Variants in ATF7IP2 observed in about 807,000 individuals in gnomAD.
ATF7IP2 encodes activating transcription factor 7 interacting protein 2, also known as activating transcription factor 7-interacting protein 2.
ATF7IP2 carries 42 observed loss-of-function variants against 64.2 expected under a neutral mutation model. The ratio of observed to expected loss-of-function variants is 0.65; its 90% CI spans 0.51 to 0.85. The LOEUF is 0.85. ATF7IP2 is among the 40% of genes least tolerant of loss of function. The pLI is 0.00. For synonymous variants in ATF7IP2, 308 were observed against 272.8 expected, an observed-to-expected ratio of 1.13 and a Z score of -1.27; for missense variants, 933 against 784.2, an observed-to-expected ratio of 1.19 and a Z score of -2.27.
At chr16:10,422,171 C>G (rs146510035) in intron 3 of ATF7IP2, among the ~76,000 whole-genome samples, 352 of 152,296 alleles carry the variant, frequency 2.3e-3, no homozygotes, top group Non-Finnish European at 3.9e-3. Flanking sequence ...TCTAAAGCCT[C>G]CAGTTTCTCT....
chr16:10,473,894 C>CTTTT lies in ATF7IP2; in HGVS notation c.1483-17_1483-14dup, dbSNP rs56766112. On this transcript the variant is annotated intron_variant, in intron 11 of 13. Transcript: ENST00000562102. ...AACATTTTCAGCTATTGAGGCAAAGCTTTTTTTTTTTTTTTACAATTTTTT... is the reference window on the plus strand; with the variant it reads ...AACATTTTCAGCTATTGAGGCAAAGCTTTTTTTTTTTTTTTTTTTACAATTTTTT... 2.3e-3 allele frequency: 2,409 copies of CTTTT among 1,042,650 alleles called. 75 individuals are homozygous for CTTTT. Among genetic ancestry groups the CTTTT allele is most frequent in the South Asian group, 7.9e-3 (392 of 49,514 alleles). The allele number at this position is 1,042,650 out of a possible 1,614,324, so 64.6% of individuals were successfully genotyped here.
At chr16:10,421,958 A>G (rs1264184418) in intron 3 of ATF7IP2, among the ~76,000 whole-genome samples, 2 of 152,204 alleles carry the variant, frequency 1.3e-5, no homozygotes, top group African/African-American at 2.4e-5. Flanking sequence ...ATGACTATTA[A>G]AGGCCAATTT....
At chr16:10,397,622 A>G (rs914451122) in intron 1 of ATF7IP2, among the ~76,000 whole-genome samples, 2 of 152,160 alleles carry the variant, frequency 1.3e-5, no homozygotes, top group Non-Finnish European at 2.9e-5. Context: ...CATGCCTACA[A>G]TCCCAGGACT....
At position 10,482,210 on chromosome 16, in the gene ATF7IP2, T is replaced by C. The variant is rs749651109; in HGVS notation, c.2010T>C (p.Asp670=). ...TTGGACGATATGGACCATTCTGTGATATAAAATCTATCCCTGGGTTTTCTG... is the reference window on the plus strand; with the variant it reads ...TTGGACGATATGGACCATTCTGTGACATAAAATCTATCCCTGGGTTTTCTG... ...DIFGRYGPFC[D]IKSIPGFSEN... Residue 670 remains aspartate, a synonymous_variant, in exon 14 of 14, where the codon GAT becomes GAC. Transcript: ENST00000562102. 6.2e-7 allele frequency: 1 copy of C among 1,604,444 alleles called. No homozygotes were observed. The highest frequency in any genetic ancestry group is 1.1e-5 in the South Asian group (1 of 88,728).
At chr16:10,417,760 TC>T (rs2047908355) in intron 2 of ATF7IP2, among the ~76,000 whole-genome samples, 1 of 152,114 alleles carries the variant, frequency 6.6e-6, no homozygotes, top group Admixed American at 6.5e-5. Context: ...ACTTAACACA[TC>T]CTGAATTCCA....
chr16:10,482,257 TTAATAATGA>T lies in ATF7IP2; in HGVS notation c.*11_*19del. 1 of 1,539,126 alleles carries T rather than the reference TTAATAATGA, an allele frequency of 6.5e-7. No individual in the cohort carries two copies. Among genetic ancestry groups the T allele is most frequent in the African/African-American group, 1.4e-5 (1 of 72,050 alleles). On this transcript the variant is annotated 3_prime_UTR_variant, in exon 14 of 14. Coordinates refer to ENST00000562102, the MANE Select transcript of ATF7IP2 (RefSeq NM_001393719.1). ...TCTGAAAATCTTACGTAAAAGGTGT[TTAATAATGA>T]TATACTACTTTTTTTTTCATATTTG...
At chr16:10,400,263 A>T (rs2047501547) in intron 1 of ATF7IP2, among the ~76,000 whole-genome samples, 1 of 151,606 alleles carries the variant, frequency 6.6e-6, no homozygotes, top group Non-Finnish European at 1.5e-5. Context: ...CTGGTCTTGA[A>T]CTCCTGACCT....
intron 12 of ATF7IP2, among the ~76,000 whole-genome samples, chr16:10,474,752 A>T (rs1205505713): frequency 6.6e-6 from 1 of 152,266 alleles, no homozygotes; most frequent in African/African-American, 2.4e-5. Flanking sequence ...AGTTCCTGAA[A>T]TCCAGTGATA....
chr16:10,464,782 C>T (rs959369214), intron 9 of ATF7IP2, among the ~76,000 whole-genome samples: 1 of 152,184 alleles, frequency 6.6e-6, no homozygotes, highest in Non-Finnish European at 1.5e-5. Context: ...AAAGTTACTA[C>T]TATTTTGCAT....
At chr16:10,403,561 G>A (rs1053406350) in intron 1 of ATF7IP2, among the ~76,000 whole-genome samples, 2 of 152,070 alleles carry the variant, frequency 1.3e-5, no homozygotes, top group African/African-American at 4.8e-5. Context: ...AAAAAGTAAG[G>A]TATTATAACA....
At chr16:10,441,569 C>G (rs904382824) in intron 8 of ATF7IP2, among the ~76,000 whole-genome samples, 2 of 152,150 alleles carry the variant, frequency 1.3e-5, no homozygotes, top group African/African-American at 4.8e-5. Flanking sequence ...AGTGTCTGTT[C>G]ATATCCTTCG....
intron 9 of ATF7IP2, among the ~76,000 whole-genome samples, chr16:10,471,722 C>T (rs934499316): frequency 1.3e-5 from 2 of 151,986 alleles, no homozygotes; most frequent in South Asian, 4.2e-4. Context: ...TTTAGGAGTC[C>T]AGGTGTCTTT....
At position 10,482,346 on chromosome 16, in the gene ATF7IP2, T is replaced by A; in HGVS notation, c.*97T>A. 3.4e-6 allele frequency: 3 copies of A among 884,916 alleles called. No individual in the cohort carries two copies. The highest frequency in any genetic ancestry group is 1.8e-5 in the South Asian group (1 of 56,780). The allele number at this position is 884,916 out of a possible 1,614,324, so 54.8% of individuals were successfully genotyped here. On this transcript the variant is annotated 3_prime_UTR_variant, in exon 14 of 14. Coordinates refer to ENST00000562102, the MANE Select transcript of ATF7IP2 (RefSeq NM_001393719.1). Reference sequence around the variant, plus strand: ...TGCCATTGTAAAAGGCCAGCTCAGATTGTGAGCCCTTTCTATTGGGACAGT... The same window carrying A: ...TGCCATTGTAAAAGGCCAGCTCAGAATGTGAGCCCTTTCTATTGGGACAGT...
intron 1 of ATF7IP2, among the ~76,000 whole-genome samples, chr16:10,403,872 T>C (rs905662010): frequency 6.6e-6 from 1 of 152,190 alleles, no homozygotes; most frequent in African/African-American, 2.4e-5. Flanking sequence ...AAATAATCTT[T>C]TAAATTAACC....
intron 1 of ATF7IP2, among the ~76,000 whole-genome samples, chr16:10,412,010 G>GTTTTTTTTTT (rs71133351): frequency 1.7e-5 from 1 of 58,388 alleles, no homozygotes; most frequent in Non-Finnish European, 3.3e-5. Context: ...ATCTTTTTTT[G>GTTTTTTTTTT]TTTTTTTTTT....
intron 7 of ATF7IP2, among the ~76,000 whole-genome samples, chr16:10,438,749 C>A (rs1023599381): frequency 2.0e-5 from 3 of 152,092 alleles, no homozygotes; most frequent in African/African-American, 7.2e-5. Flanking sequence ...TGTCAATTGA[C>A]AGGCTTAATA....
chr16:10,433,020 A>G (rs1042407171), intron 5 of ATF7IP2, among the ~76,000 whole-genome samples: 2 of 152,202 alleles, frequency 1.3e-5, no homozygotes, highest in African/African-American at 4.8e-5. Context: ...GGGACAGAGT[A>G]TCTGAGACCA....
chr16:10,402,150 T>A (rs1281156378), intron 1 of ATF7IP2, among the ~76,000 whole-genome samples: 1 of 152,188 alleles, frequency 6.6e-6, no homozygotes, highest in African/African-American at 2.4e-5. Context: ...TGATTATTTT[T>A]CTAGTCTCTT....
At chr16:10,429,913 C>A (rs1055634931) in intron 4 of ATF7IP2, among the ~76,000 whole-genome samples, 2 of 149,520 alleles carry the variant, frequency 1.3e-5, no homozygotes, top group Non-Finnish European at 3.0e-5. Flanking sequence ...AGTACAGTGG[C>A]GCGATGTTGG....
Sources: gnomAD v4.1 joint callset for allele counts (sites outside exome capture counted in the v4.1 genomes callset) on GRCh38, gnomAD v4.1.1 for gene constraint, MANE v1.5 for transcripts, NCBI Gene and HGNC (gene_info 2026-07-23, HGNC 2026-07-21) for gene names.